The following TTLL11 variants were observed in gnomAD, a reference collection of about 807,000 sequenced individuals.
The protein encoded by TTLL11 is tubulin tyrosine ligase like 11.
TTLL11 carries 42 observed loss-of-function variants against 51.7 expected under a neutral mutation model. The ratio of observed to expected loss-of-function variants is 0.81; its 90% confidence interval spans 0.64 to 1.05. The LOEUF (loss-of-function observed/expected upper bound fraction) is 1.05. TTLL11 is among the 50% of genes least tolerant of loss of function. TTLL11 has a pLI of 0.00. For missense variants in TTLL11, 799 were observed against 940.4 expected, an observed-to-expected ratio of 0.85 and a Z score of 1.97; for synonymous variants, 381 against 383.5, an observed-to-expected ratio of 0.99 and a Z score of 0.08.
intron 6 of TTLL11, among the ~76,000 whole-genome samples, chr9:121,958,430 T>C (rs1359021700): frequency 1.3e-5 from 2 of 152,142 alleles, no homozygotes; most frequent in Non-Finnish European, 2.9e-5. Flanking sequence ...GGAAATGCTA[T>C]CCCCTGGGGT....
At chr9:121,851,168 C>G (rs7864517) in intron 8 of TTLL11, among the ~76,000 whole-genome samples, 104,822 of 152,034 alleles carry the variant, frequency 0.69, 37,098 homozygotes, top group African/African-American at 0.85. Context: ...AAAGATCAGG[C>G]GCTCACGGAG....
chr9:121,847,269 A>G (rs1683690817), intron 8 of TTLL11, among the ~76,000 whole-genome samples: 1 of 152,018 alleles, frequency 6.6e-6, no homozygotes, highest in South Asian at 2.1e-4. Flanking sequence ...GGAAGAAAGC[A>G]ATAGAGAAAA....
intron 3 of TTLL11, among the ~76,000 whole-genome samples, chr9:122,013,351 T>C (rs952941149): frequency 4.6e-5 from 7 of 151,306 alleles, no homozygotes; most frequent in African/African-American, 1.7e-4. Flanking sequence ...GCAGCAGGGG[T>C]ATAGGAGGTG....
intron 6 of TTLL11, among the ~76,000 whole-genome samples, chr9:121,952,127 A>G (rs1036532241): frequency 5.3e-5 from 8 of 152,162 alleles, no homozygotes; most frequent in Non-Finnish European, 1.2e-4. Context: ...CTGCCTGGGA[A>G]TGCAGCCCAA....
Position 121,981,083 on chromosome 9 carries a change from G to A in TTLL11, c.1270-6104C>T, listed in dbSNP as rs556346186. ...ATGTCTTGAGCTTCTTAGATTGTGGGTTTATAGTTTTTTTTCAAATTTGGA... is the reference window on the plus strand; with the variant it reads ...ATGTCTTGAGCTTCTTAGATTGTGGATTTATAGTTTTTTTTCAAATTTGGA... On this transcript the variant is annotated intron_variant, in intron 4 of 8. Transcript: ENST00000321582. Among the ~76,000 whole-genome samples the A allele has an allele frequency of 2.6e-5, 4 of 151,300 alleles. No individual in the cohort carries two copies. The South Asian group carries it at 8.4e-4, about 32-fold the overall frequency.
chr9:121,949,920 G>A (rs1463446673), intron 6 of TTLL11, among the ~76,000 whole-genome samples: 1 of 151,918 alleles, frequency 6.6e-6, no homozygotes, highest in African/African-American at 2.4e-5. Flanking sequence ...TGGGTCTTCA[G>A]TCCTTCCTGT....
At position 122,065,426 on chromosome 9, in the gene TTLL11, G is replaced by GTAATGTC. The variant is rs544182286; in HGVS notation, c.463-26065_463-26059dup. On this transcript the variant is annotated intron_variant, in intron 1 of 8. Transcript: ENST00000321582. The stretch of plus-strand genomic sequence containing the variant: ...TTTACAGTCTCTCATTCTGGATTAA[G>GTAATGTC]TAATGTCTTCTTAGCATAGGTTATG... Among the ~76,000 whole-genome samples, 14 of 152,318 alleles carry GTAATGTC rather than the reference G, an allele frequency of 9.2e-5. No homozygotes were observed. The South Asian group carries it at 1.7e-3, about 18-fold the overall frequency.
chr9:121,841,592 C>T (rs1035555626), intron 8 of TTLL11, among the ~76,000 whole-genome samples: 5 of 152,144 alleles, frequency 3.3e-5, no homozygotes, highest in Admixed American at 3.3e-4. Context: ...CTAGAGGCTG[C>T]TTGGGGCCTC....
intron 8 of TTLL11, among the ~76,000 whole-genome samples, chr9:121,843,478 T>A (rs755194170): frequency 1.4e-4 from 22 of 151,966 alleles, no homozygotes; most frequent in Admixed American, 2.6e-4. Flanking sequence ...TGGGGGCCAG[T>A]CTTAGGGGGT....
At chr9:121,971,186 C>T (rs1588165388) in intron 6 of TTLL11, among the ~76,000 whole-genome samples, 1 of 98,898 alleles carries the variant, frequency 1.0e-5, no homozygotes. Flanking sequence ...GCCCCCCGCC[C>T]GGCCAGCCGC....
intron 8 of TTLL11, among the ~76,000 whole-genome samples, chr9:121,826,298 ATATATATATATGGGTT>A (rs1418690285): frequency 1.1e-5 from 1 of 91,460 alleles, no homozygotes; most frequent in Non-Finnish European, 2.1e-5. Context: ...GTGTGGGTGT[ATATATATATATGGGTT>A]TATATATATA....
intron 6 of TTLL11, among the ~76,000 whole-genome samples, chr9:121,973,749 TA>T (rs945332198): frequency 1.3e-5 from 2 of 151,442 alleles, no homozygotes; most frequent in African/African-American, 2.4e-5. Context: ...ATAATAATAA[TA>T]AAAAAAAGGA....
intron 1 of TTLL11, among the ~76,000 whole-genome samples, chr9:122,073,832 C>T (rs1845791798): frequency 6.6e-6 from 1 of 152,236 alleles, no homozygotes; most frequent in South Asian, 2.1e-4. Flanking sequence ...CTGACCTCAT[C>T]TTGCCTTCCT....
At chr9:121,849,961 A>C (rs1330082430) in intron 8 of TTLL11, among the ~76,000 whole-genome samples, 1 of 152,232 alleles carries the variant, frequency 6.6e-6, no homozygotes, top group Non-Finnish European at 1.5e-5. Context: ...CCTGCTGTAT[A>C]CTTCAAATTA....
At chr9:122,087,869 G>A (rs1274449940) in intron 1 of TTLL11, among the ~76,000 whole-genome samples, 9 of 152,220 alleles carry the variant, frequency 5.9e-5, no homozygotes, top group African/African-American at 2.2e-4. Context: ...AACATCAGTG[G>A]TGACTCTGTA....
chr9:122,088,497 T>C (rs147734394), intron 1 of TTLL11, among the ~76,000 whole-genome samples: 1,698 of 152,362 alleles, frequency 0.011, 18 homozygotes, highest in Middle Eastern at 0.02. Flanking sequence ...TGTCCCTTAC[T>C]AGCTATGTGG....
chr9:121,948,810 C>A (rs1050151910), intron 6 of TTLL11, among the ~76,000 whole-genome samples: 1 of 152,144 alleles, frequency 6.6e-6, no homozygotes, highest in East Asian at 1.9e-4. Flanking sequence ...ACTCAGGGGT[C>A]AGTAAACTGC....
At chr9:121,848,326 C>T (rs533462642) in intron 8 of TTLL11, among the ~76,000 whole-genome samples, 13 of 152,108 alleles carry the variant, frequency 8.5e-5, no homozygotes, top group South Asian at 2.1e-4. Flanking sequence ...ATAAATTAGA[C>T]GCTTGCCTCT....
chr9:121,953,627 C>A (rs557953619), intron 6 of TTLL11, among the ~76,000 whole-genome samples: 1 of 107,140 alleles, frequency 9.3e-6, no homozygotes, highest in African/African-American at 3.7e-5. Context: ...AGCAAGATGC[C>A]GCCTCAAAAA....
Sources: allele counts gnomAD v4.1 joint callset (sites outside exome capture counted in the v4.1 genomes callset), GRCh38; gene constraint gnomAD v4.1.1; transcripts MANE v1.5; gene names NCBI Gene and HGNC (gene_info 2026-07-23, HGNC 2026-07-21).